The following ITGA2 variants were observed in gnomAD, a reference collection of about 807,000 sequenced individuals.
ITGA2 encodes the protein integrin subunit alpha 2, also known as integrin alpha-2.
In ITGA2, 101 loss-of-function variants were observed where a neutral mutation model predicts 146.3. The ratio of observed to expected loss-of-function variants is 0.69; its 90% CI spans 0.59 to 0.81. The LOEUF is 0.81. Among genes scored for constraint, ITGA2 ranks in the 40% least tolerant of loss-of-function variants. The pLI is 0.00. For missense variants in ITGA2, 1,281 were observed against 1,402.7 expected, an observed-to-expected ratio of 0.91 and a Z score of 1.39; for synonymous variants, 477 against 487.1, an observed-to-expected ratio of 0.98 and a Z score of 0.27.
intron 2 of ITGA2, among the ~76,000 whole-genome samples, chr5:53,033,844 A>G (rs1383292375): frequency 1.3e-5 from 2 of 151,666 alleles, no homozygotes; most frequent in Non-Finnish European, 2.9e-5. Context: ...GCTCACTGCA[A>G]GCTCCGCCTC....
intron 24 of ITGA2, 137 bp from the exon 25 acceptor site, chr5:53,080,374 T>C (rs1745862236): frequency 2.7e-6 from 2 of 741,190 alleles, no homozygotes; most frequent in Non-Finnish European, 2.4e-6. Context: ...AGTGTGACTA[T>C]AAAGTAATGG....
intron 1 of ITGA2, among the ~76,000 whole-genome samples, chr5:53,011,135 C>T (rs1742104310): frequency 6.6e-6 from 1 of 152,126 alleles, no homozygotes; most frequent in South Asian, 2.1e-4. Context: ...TAAACTTCTG[C>T]TGTTTTAAAC....
In ITGA2 at chr5:53,088,980, G is replaced by A. The variant is rs571894754; in HGVS notation, c.3349-966G>A. On this transcript the variant is annotated intron_variant, in intron 28 of 29. Coordinates refer to ENST00000296585, the MANE Select transcript of ITGA2 (RefSeq NM_002203.4). ...CTGGGTTAGAAAGCTGTGGAAAAGA[G>A]AGAAGTAGGCTTATGACTGCCATTA... The A allele has an allele frequency of 2.6e-5, 4 of 152,310 alleles. No homozygotes were observed. The South Asian group carries it at 6.2e-4, about 24-fold the overall frequency. The allele number at this position is 152,310 out of a possible 1,614,324, so 9.4% of individuals were successfully genotyped here. A position where few individuals can be genotyped will look rare whatever the true frequency, so the allele number is the denominator to read the frequency against.
At chr5:53,081,245 T>C (rs1745903182) in intron 25 of ITGA2, among the ~76,000 whole-genome samples, 1 of 152,234 alleles carries the variant, frequency 6.6e-6, no homozygotes, top group Non-Finnish European at 1.5e-5. Context: ...ATTCAACAGT[T>C]GTATTATTTC....
intron 25 of ITGA2, 150 bp downstream of exon 25, chr5:53,080,771 T>A: frequency 1.5e-6 from 1 of 664,666 alleles, no homozygotes; most frequent in South Asian, 1.7e-5. Flanking sequence ...GTTAATTTCA[T>A]ATTAGAAAAA....
chr5:53,057,169 A>G (rs3212682), intron 9 of ITGA2, among the ~76,000 whole-genome samples: 4,892 of 152,110 alleles, frequency 0.032, 124 homozygotes, highest in Non-Finnish European at 0.048. Flanking sequence ...GAACAATTGC[A>G]ATCTACAAGC....
At chr5:53,077,058 A>G (rs1579898023) in intron 23 of ITGA2, among the ~76,000 whole-genome samples, 1 of 120,678 alleles carries the variant, frequency 8.3e-6, no homozygotes, top group Non-Finnish European at 1.8e-5. Context: ...ATACACACAC[A>G]TGTGCACATT....
At chr5:53,068,112 A>C (rs1472063253) in intron 16 of ITGA2, among the ~76,000 whole-genome samples, 1 of 151,946 alleles carries the variant, frequency 6.6e-6, no homozygotes, top group East Asian at 1.9e-4. Flanking sequence ...AATTCAATTA[A>C]GTGACAAACA....
intron 1 of ITGA2, among the ~76,000 whole-genome samples, chr5:52,997,860 C>A (rs894959636): frequency 7.9e-5 from 12 of 152,076 alleles, no homozygotes; most frequent in African/African-American, 2.9e-4. Flanking sequence ...ATAGATATTT[C>A]AAAATAATTG....
Position 53,051,393 on chromosome 5 carries a change from A to G in ITGA2, c.631-18A>G. The G allele has an allele frequency of 6.2e-7, 1 of 1,611,662 alleles. No homozygotes were observed. Among genetic ancestry groups the G allele is most frequent in the Non-Finnish European group, 8.5e-7 (1 of 1,177,988 alleles). ...TAATGTAATGACAGCCCATTAATAA[A>G]TGTCTCCTCTGTTGAAGGTGGGGTT... On this transcript the variant is annotated intron_variant, in intron 6 of 29. Transcript: ENST00000296585.
chr5:53,046,194 C>CAAAAAAAAA (rs58926174), intron 4 of ITGA2, among the ~76,000 whole-genome samples: 26 of 98,988 alleles, frequency 2.6e-4, no homozygotes, highest in African/African-American at 3.6e-4. Flanking sequence ...GACTCTGTCT[C>CAAAAAAAAA]AAAAAAAAAA....
At chr5:53,049,777 G>A (rs769068683) in intron 6 of ITGA2, among the ~76,000 whole-genome samples, 8 of 151,918 alleles carry the variant, frequency 5.3e-5, no homozygotes, top group African/African-American at 1.7e-4. Context: ...GTGTCAACCC[G>A]GACCAGTTCA....
chr5:53,019,335 G>A (rs528861199), intron 1 of ITGA2, among the ~76,000 whole-genome samples: 8 of 152,082 alleles, frequency 5.3e-5, no homozygotes, highest in Non-Finnish European at 1.0e-4. Flanking sequence ...AATTTCAAAA[G>A]TAAATAAGTC....
intron 1 of ITGA2, among the ~76,000 whole-genome samples, chr5:52,989,874 G>A (rs958786859): frequency 6.6e-6 from 1 of 151,542 alleles, no homozygotes; most frequent in Non-Finnish European, 1.5e-5. Context: ...ACAGTGTGGG[G>A]ATCCGCGGGT....
chr5:53,074,622 A>G (rs1745574000), intron 21 of ITGA2, 145 bp downstream of exon 21: 4 of 711,922 alleles, frequency 5.6e-6, no homozygotes, highest in Non-Finnish European at 1.0e-5. Context: ...CAATATCTAA[A>G]TGTTTTCTTT....
chr5:53,040,222 A>G (rs1237792648), intron 2 of ITGA2, among the ~76,000 whole-genome samples: 1 of 152,222 alleles, frequency 6.6e-6, no homozygotes, highest in Non-Finnish European at 1.5e-5. Context: ...AGGAAGACAC[A>G]TAGAAAAAGC....
chr5:52,992,521 G>A (rs1357924690), intron 1 of ITGA2, among the ~76,000 whole-genome samples: 1 of 152,140 alleles, frequency 6.6e-6, no homozygotes, highest in Non-Finnish European at 1.5e-5. Context: ...TTTAATGGCA[G>A]TATTATTATC....
intron 7 of ITGA2, 113 bp downstream of exon 7, chr5:53,051,672 AT>A (rs571565579): frequency 1.8e-5 from 19 of 1,070,330 alleles, no homozygotes; most frequent in Non-Finnish European, 2.5e-5. Context: ...CTGGTACCTA[AT>A]TTAAATCAGA....
At chr5:53,066,008 C>G (rs1268824369) in intron 15 of ITGA2, 31 bp downstream of exon 15, 1 of 1,605,080 alleles carries the variant, frequency 6.2e-7, no homozygotes, top group East Asian at 2.2e-5. Context: ...CACAAACTAA[C>G]TAAAAATTAC....
Sources: allele counts gnomAD v4.1 joint callset (sites outside exome capture counted in the v4.1 genomes callset), GRCh38; gene constraint gnomAD v4.1.1; transcripts MANE v1.5; gene names NCBI Gene and HGNC (gene_info 2026-07-23, HGNC 2026-07-21).